Variants in VAMP8 observed in about 807,000 individuals in gnomAD.
The protein encoded by VAMP8 is vesicle associated membrane protein 8.
Under a neutral mutation model 11.4 loss-of-function variants are expected in VAMP8, and 9 were observed. The ratio of observed to expected loss-of-function variants is 0.79; its 90% CI spans 0.48 to 1.38. The LOEUF (loss-of-function observed/expected upper bound fraction) is 1.38. VAMP8 is among the 40% of genes most tolerant of loss of function. The pLI, the probability that VAMP8 is intolerant of heterozygous loss-of-function variation, is 0.00. For missense variants in VAMP8, 108 were observed against 127.8 expected, an observed-to-expected ratio of 0.85 and a Z score of 0.75; for synonymous variants, 42 against 44.7, an observed-to-expected ratio of 0.94 and a Z score of 0.24.
intron 2 of VAMP8, among the ~76,000 whole-genome samples, chr2:85,580,237 C>T (rs1672347217): frequency 2.0e-5 from 3 of 152,254 alleles, no homozygotes; most frequent in South Asian, 4.1e-4. Flanking sequence ...CAGACTTGAG[C>T]CACCATGTCT....
intron 2 of VAMP8, 91 bp downstream of exon 2, chr2:85,579,258 T>A: frequency 7.1e-7 from 1 of 1,399,076 alleles, no homozygotes; most frequent in Non-Finnish European, 9.5e-7. Context: ...GGGCCAGAAG[T>A]TTGACATTTC....
intron 2 of VAMP8, among the ~76,000 whole-genome samples, chr2:85,579,417 A>G (rs1275749240): frequency 6.6e-6 from 1 of 152,140 alleles, no homozygotes; most frequent in Non-Finnish European, 1.5e-5. Flanking sequence ...ATGTTCTGAG[A>G]CCGAAAGCTC....
At chr2:85,578,952 G>A (rs941916026) in intron 1 of VAMP8, 57 bp from the exon 2 acceptor site, 5 of 1,563,728 alleles carry the variant, frequency 3.2e-6, no homozygotes, top group Admixed American at 3.8e-5. Flanking sequence ...AGATCTCTGA[G>A]CCCAAGTCTC....
chr2:85,580,377 T>C (rs1460115262), intron 2 of VAMP8, among the ~76,000 whole-genome samples: 1 of 152,136 alleles, frequency 6.6e-6, no homozygotes, highest in African/African-American at 2.4e-5. Flanking sequence ...GCCTCAGCAG[T>C]CCCGATGGGG....
Position 85,579,002 on chromosome 2 carries a change from C to T in VAMP8, c.4-7C>T, listed in dbSNP as rs752480085. 6.3e-6 allele frequency: 10 copies of T among 1,598,734 alleles called. No individual in the cohort carries two copies. The highest frequency in any genetic ancestry group is 5.1e-5 in the Admixed American group (3 of 58,476). On this transcript the variant is annotated splice_polypyrimidine_tract_variant and splice_region_variant and intron_variant, in intron 1 of 2. Coordinates refer to ENST00000263864, the MANE Select transcript of VAMP8 (RefSeq NM_003761.5). The stretch of plus-strand genomic sequence containing the variant: ...CTTGGTCTAATTAACCCCGTGTTGC[C>T]GCACAGGAGGAAGCCAGTGAAGGTG...
intron 1 of VAMP8, 78 bp downstream of exon 1, chr2:85,577,727 C>G: frequency 6.5e-7 from 1 of 1,545,616 alleles, no homozygotes. Flanking sequence ...TTGGCTGTGT[C>G]GGGGGAGGAG....
intron 2 of VAMP8, 72 bp from the exon 3 acceptor site, chr2:85,581,504 C>G: frequency 6.4e-7 from 1 of 1,570,722 alleles, no homozygotes; most frequent in Non-Finnish European, 8.6e-7. Flanking sequence ...CTGTGGGCTG[C>G]ACTTGTACTC....
At chr2:85,580,659 A>ATTTTTTT (rs372301674) in intron 2 of VAMP8, among the ~76,000 whole-genome samples, 14 of 104,592 alleles carry the variant, frequency 1.3e-4, no homozygotes, top group African/African-American at 2.2e-4. Flanking sequence ...CAGATACAGC[A>ATTTTTTT]TTTTTTTTTT....
intron 2 of VAMP8, among the ~76,000 whole-genome samples, chr2:85,579,418 C>T (rs1672333042): frequency 6.6e-6 from 1 of 152,182 alleles, no homozygotes; most frequent in African/African-American, 2.4e-5. Flanking sequence ...TGTTCTGAGA[C>T]CGAAAGCTCA....
Position 85,581,643 on chromosome 2 carries a change from T to C in VAMP8, c.230T>C (p.Ile77Thr), listed in dbSNP as rs1204505535. ...RKFWWKNVKMIVLICVIVFII... is the reference protein window; with the variant it reads ...RKFWWKNVKMTVLICVIVFII... ...TTCTGGTGGAAGAACGTGAAGATGA[T>C]TGTCCTTATCTGCGTGATTGTTTTT... is the stretch of plus-strand genomic sequence containing the variant. Residue 77 changes from isoleucine (I) to threonine (T), a missense_variant, in exon 3 of 3, where the codon ATT becomes ACT. Transcript: ENST00000263864. 1 of 1,614,146 alleles carries C rather than the reference T, an allele frequency of 6.2e-7. No individual in the cohort carries two copies. The highest frequency in any genetic ancestry group is 1.1e-5 in the South Asian group (1 of 91,080).
At chr2:85,579,925 T>C (rs1672341738) in intron 2 of VAMP8, 3 of 1,516,996 alleles carry the variant, frequency 2.0e-6, no homozygotes, top group Admixed American at 2.3e-5. Flanking sequence ...TGTAGCTTAA[T>C]TGTAGCTTAA....
intron 1 of VAMP8, among the ~76,000 whole-genome samples, chr2:85,578,313 T>C (rs1423583671): frequency 1.3e-5 from 2 of 152,232 alleles, no homozygotes; most frequent in East Asian, 3.9e-4. Context: ...CAGGGAGGAC[T>C]AGTCCTCCAT....
intron 2 of VAMP8, among the ~76,000 whole-genome samples, chr2:85,580,659 ATTTTTTT>A (rs372301674): frequency 2.9e-5 from 3 of 104,558 alleles, no homozygotes; most frequent in Non-Finnish European, 5.8e-5. Context: ...CAGATACAGC[ATTTTTTT>A]TTTTTTTTTT....
At position 85,581,799 on chromosome 2, in the gene VAMP8, C is replaced by G; in HGVS notation, c.*83C>G. 1 of 1,566,142 alleles carries G rather than the reference C, an allele frequency of 6.4e-7. No individual in the cohort carries two copies. The highest frequency in any genetic ancestry group is 1.2e-5 in the South Asian group (1 of 85,606). ...GTGCCAAGAGGGTCTCCTTTCCTGT[C>G]TTCCTCTACAGAGAATGCTGCTCGG... On this transcript the variant is annotated 3_prime_UTR_variant, in exon 3 of 3. Coordinates refer to ENST00000263864, the MANE Select transcript of VAMP8 (RefSeq NM_003761.5).
At position 85,581,598 on chromosome 2, in the gene VAMP8, C is replaced by T. The variant is rs1187248918; in HGVS notation, c.185C>T (p.Ser62Leu). ...EATSEHFKTT[S>L]QKVARKFWWK... The stretch of plus-strand genomic sequence containing the variant: ...CAGTCTGAGCACTTCAAGACGACAT[C>T]GCAGAAGGTGGCTCGAAAATTCTGG... The change falls in exon 3 of 3, where the codon TCG becomes TTG. Residue 62 changes from serine to leucine, a missense_variant. Transcript: ENST00000263864. The T allele has an allele frequency of 3.7e-6, 6 of 1,614,000 alleles. No homozygotes were observed. Among genetic ancestry groups the T allele is most frequent in the East Asian group, 2.2e-5 (1 of 44,896 alleles).
At chr2:85,579,393 T>TCGCCCATAGAGGCATGTTCTGAGAC (rs1672332690) in intron 2 of VAMP8, among the ~76,000 whole-genome samples, 2 of 152,144 alleles carry the variant, frequency 1.3e-5, no homozygotes, top group African/African-American at 2.4e-5. Flanking sequence ...AGGTGGCAGC[T>TCGCCCATAGAGGCATGTTCTGAGAC]CGCCCATAGA....
intron 2 of VAMP8, among the ~76,000 whole-genome samples, 180 bp from the exon 3 acceptor site, chr2:85,581,396 A>G (rs935725103): frequency 6.6e-6 from 1 of 151,912 alleles, no homozygotes; most frequent in African/African-American, 2.4e-5. Flanking sequence ...AGGAGAATCA[A>G]TTGAACCCAG....
chr2:85,580,968 CAG>C (rs1672367519), intron 2 of VAMP8, among the ~76,000 whole-genome samples: 1 of 152,050 alleles, frequency 6.6e-6, no homozygotes, highest in Admixed American at 6.6e-5. Context: ...CGCACCCGGC[CAG>C]AGCATCTTTT....
chr2:85,580,659 A>ATTTTTTTT (rs372301674), intron 2 of VAMP8, among the ~76,000 whole-genome samples: 6 of 104,554 alleles, frequency 5.7e-5, no homozygotes, highest in Non-Finnish European at 7.7e-5. Flanking sequence ...CAGATACAGC[A>ATTTTTTTT]TTTTTTTTTT....
Sources: allele counts gnomAD v4.1 joint callset (sites outside exome capture counted in the v4.1 genomes callset), GRCh38; gene constraint gnomAD v4.1.1; transcripts MANE v1.5; gene names NCBI Gene and HGNC (gene_info 2026-07-23, HGNC 2026-07-21).